The following GSTA1 variants were observed in gnomAD, a reference collection of about 807,000 sequenced individuals.
The protein encoded by GSTA1 is glutathione S-transferase alpha 1.
GSTA1 carries 23 observed loss-of-function variants against 21.5 expected under a neutral mutation model. That is an observed-to-expected ratio of 1.07 (90% CI 0.77 to 1.52). GSTA1 has a LOEUF of 1.52. GSTA1 is among the 40% of genes most tolerant of loss of function. GSTA1 has a pLI of 0.00. For missense variants in GSTA1, 301 were observed against 264.2 expected (o/e 1.14, Z -0.96); for synonymous variants, 125 against 90.0 (o/e 1.39, Z -2.20).
chr6:52,799,895 C>T (rs1184040213), intron 1 of GSTA1, among the ~76,000 whole-genome samples: 5 of 152,114 alleles, frequency 3.3e-5, no homozygotes, highest in East Asian at 3.8e-4. Flanking sequence ...CAGGGAGGAC[C>T]GGCAGGGAGC....
At chr6:52,800,478 T>C (rs769061810) in intron 1 of GSTA1, among the ~76,000 whole-genome samples, 1 of 152,126 alleles carries the variant, frequency 6.6e-6, no homozygotes, top group Non-Finnish European at 1.5e-5. Flanking sequence ...GTTTGATGAG[T>C]TGTTAGTTTC....
intron 1 of GSTA1, among the ~76,000 whole-genome samples, chr6:52,801,422 T>C (rs1459486043): frequency 6.6e-6 from 1 of 151,968 alleles, no homozygotes; most frequent in Non-Finnish European, 1.5e-5. Context: ...TTTGACAGAG[T>C]GAAAGGGAGA....
intron 1 of GSTA1, among the ~76,000 whole-genome samples, chr6:52,799,571 A>G (rs112990999): frequency 2.0e-5 from 3 of 152,316 alleles, no homozygotes; most frequent in African/African-American, 7.2e-5. Context: ...ATACATGTAT[A>G]GGAGTTATTG....
At position 52,791,798 on chromosome 6, in the gene GSTA1, T is replaced by C. The variant is rs699334; in HGVS notation, c.*60A>G. 1.4e-5 allele frequency: 22 copies of C among 1,603,356 alleles called. No homozygotes were observed. Among genetic ancestry groups the C allele is most frequent in the Non-Finnish European group, 1.9e-5 (22 of 1,172,174 alleles). On this transcript the variant is annotated 3_prime_UTR_variant, in exon 7 of 7. Coordinates refer to ENST00000334575, the MANE Select transcript of GSTA1 (RefSeq NM_145740.5). Reference sequence around the variant, plus strand: ...CAATCAACACTTAGGTAAAGTACTTTATTGTTGCAAAACTTTAGAACATTG... The same window carrying C: ...CAATCAACACTTAGGTAAAGTACTTCATTGTTGCAAAACTTTAGAACATTG...
rs1763495324 is a variant in GSTA1, at chr6:52,792,966, C to T, written c.436G>A (p.Asp146Asn). Reference sequence around the variant, plus strand: ...CTCAGCTTGTTGCCAACAAGGTAGTCTTGTCCATGGCTCTTTAAGACCTGG... The same window carrying T: ...CTCAGCTTGTTGCCAACAAGGTAGTTTTGTCCATGGCTCTTTAAGACCTGG... Reference protein sequence around the residue: ...FEKVLKSHGQDYLVGNKLSRA... With the variant: ...FEKVLKSHGQNYLVGNKLSRA... Residue 146 changes from aspartate to asparagine, a missense_variant, in exon 6 of 7, where the codon GAC becomes AAC. Asp to Asn is a conservative substitution (Grantham distance 23). Transcript: ENST00000334575. The T allele has an allele frequency of 4.3e-6, 7 of 1,614,110 alleles. No homozygotes were observed. The highest frequency in any genetic ancestry group is 5.1e-6 in the Non-Finnish European group (6 of 1,180,008).
At chr6:52,794,386 CT>C in intron 4 of GSTA1, 120 bp from the exon 5 acceptor site, 2 of 882,688 alleles carry the variant, frequency 2.3e-6, no homozygotes, top group East Asian at 2.5e-5. Flanking sequence ...CAGTGGGTGC[CT>C]TTTATAGTCT....
intron 2 of GSTA1, among the ~76,000 whole-genome samples, 154 bp downstream of exon 2, chr6:52,799,027 T>G (rs1763649695): frequency 6.6e-6 from 1 of 152,242 alleles, no homozygotes; most frequent in South Asian, 2.1e-4. Context: ...TTTTAAGAAT[T>G]AATAGGTCAA....
chr6:52,802,775 T>C (rs1330535739), intron 1 of GSTA1, among the ~76,000 whole-genome samples: 2 of 152,178 alleles, frequency 1.3e-5, no homozygotes, highest in African/African-American at 4.8e-5. Context: ...TATATTTTGT[T>C]CATAGAACTC....
At chr6:52,793,045 C>T in intron 5 of GSTA1, 58 bp from the exon 6 acceptor site, 2 of 1,611,826 alleles carry the variant, frequency 1.2e-6, no homozygotes, top group Non-Finnish European at 1.7e-6. Flanking sequence ...AGGACCCCTG[C>T]TTCTTTCGGA....
chr6:52,795,865 C>G (rs187557005), intron 4 of GSTA1, among the ~76,000 whole-genome samples: 8 of 152,240 alleles, frequency 5.3e-5, no homozygotes, highest in African/African-American at 1.7e-4. Flanking sequence ...TGGCCAGAGT[C>G]GAGCCTCTGA....
rs561148365 is a variant in GSTA1, at chr6:52,793,973, A to G, written c.414+152T>C. 75 of 948,892 alleles carry G rather than the reference A, an allele frequency of 7.9e-5. No homozygotes were observed. The South Asian group carries it at 1.1e-3, about 14-fold the overall frequency. 58.8% of individuals were successfully genotyped at this position (948,892 alleles called of 1,614,324 possible). A position where few individuals can be genotyped will look rare whatever the true frequency, so the allele number is the denominator to read the frequency against. On this transcript the variant is annotated intron_variant, in intron 5 of 6. Coordinates refer to ENST00000334575, the MANE Select transcript of GSTA1 (RefSeq NM_145740.5). ...ATGATACAATTGTTTCTCCAAGTCT[A>G]TTTTCATAAAATGCCTTGAGAGTCA...
chr6:52,799,989 A>G (rs2127307424), intron 1 of GSTA1, among the ~76,000 whole-genome samples: 1 of 152,368 alleles, frequency 6.6e-6, no homozygotes, highest in Non-Finnish European at 1.5e-5. Flanking sequence ...AACTGTAGCT[A>G]GAAGATCCAA....
At chr6:52,796,603 G>C (rs1027525762) in intron 3 of GSTA1, among the ~76,000 whole-genome samples, 2 of 144,114 alleles carry the variant, frequency 1.4e-5, no homozygotes, top group Non-Finnish European at 3.0e-5. Context: ...GAGTGGAGTG[G>C]CATGATCTTG....
intron 1 of GSTA1, 43 bp from the exon 2 acceptor site, chr6:52,799,340 T>A: frequency 1.5e-6 from 2 of 1,330,774 alleles, no homozygotes; most frequent in South Asian, 1.3e-5. Flanking sequence ...AACGATAGAA[T>A]CAAAAATGTA....
chr6:52,796,543 A>ATTTTTTTTTT (rs34109072), intron 3 of GSTA1, among the ~76,000 whole-genome samples: 5 of 23,760 alleles, frequency 2.1e-4, no homozygotes, highest in Non-Finnish European at 3.2e-4. Context: ...ATATATATAT[A>ATTTTTTTTTT]TTTTTTTTTT....
At chr6:52,798,186 G>C (rs1471027439) in intron 2 of GSTA1, among the ~76,000 whole-genome samples, 1 of 152,126 alleles carries the variant, frequency 6.6e-6, no homozygotes, top group African/African-American at 2.4e-5. Context: ...GAAGTACGAG[G>C]CACAATAGGG....
intron 4 of GSTA1, among the ~76,000 whole-genome samples, chr6:52,795,486 A>G (rs928901264): frequency 6.6e-6 from 1 of 152,200 alleles, no homozygotes; most frequent in African/African-American, 2.4e-5. Context: ...TATACCTGTT[A>G]GAGGAACTGC....
intron 6 of GSTA1, 190 bp downstream of exon 6, chr6:52,792,666 A>C: frequency 6.9e-7 from 1 of 1,447,946 alleles, no homozygotes; most frequent in South Asian, 1.3e-5. Context: ...AGCATGCAGC[A>C]CAGATTTCCT....
chr6:52,797,560 C>G (rs1000736745), intron 3 of GSTA1, 26 bp downstream of exon 3: 1 of 1,583,586 alleles, frequency 6.3e-7, no homozygotes, highest in African/African-American at 1.3e-5. Flanking sequence ...ATACCCTCAT[C>G]AGAGGAACTT....
Sources: allele counts gnomAD v4.1 joint callset (sites outside exome capture counted in the v4.1 genomes callset), GRCh38; gene constraint gnomAD v4.1.1; transcripts MANE v1.5; gene names NCBI Gene and HGNC (gene_info 2026-07-23, HGNC 2026-07-21).